Variants in NR1D2 observed in about 807,000 individuals in gnomAD.
NR1D2 encodes nuclear receptor subfamily 1 group D member 2.
In NR1D2, 25 loss-of-function variants were observed where a neutral mutation model predicts 52.2. The observed-to-expected ratio is 0.48, with a 90% confidence interval of 0.35 to 0.67. The LOEUF (loss-of-function observed/expected upper bound fraction) is 0.67. Among genes scored for constraint, NR1D2 ranks in the 30% least tolerant of loss-of-function variants. The pLI is 0.01. For synonymous variants in NR1D2, 259 were observed against 230.1 expected, an observed-to-expected ratio of 1.13 and a Z score of -1.14; for missense variants, 681 against 707.2, an observed-to-expected ratio of 0.96 and a Z score of 0.42.
intron 3 of NR1D2, among the ~76,000 whole-genome samples, chr3:23,957,079 T>A (rs1283055068): frequency 1.3e-5 from 2 of 151,910 alleles, no homozygotes; most frequent in African/African-American, 4.8e-5. Context: ...GCCTCCTGGG[T>A]TCAAGTGATT....
intron 4 of NR1D2, among the ~76,000 whole-genome samples, chr3:23,961,099 AT>A (rs1049595724): frequency 1.3e-5 from 2 of 151,858 alleles, no homozygotes; most frequent in Admixed American, 6.6e-5. Flanking sequence ...TGATTGTGGA[AT>A]TTTTTTTAAG....
intron 6 of NR1D2, among the ~76,000 whole-genome samples, chr3:23,965,824 C>G (rs541751138): frequency 1.4e-4 from 22 of 152,284 alleles, no homozygotes; most frequent in Admixed American, 3.9e-4. Flanking sequence ...CCTAGCCTAG[C>G]ATTTACTGTA....
chr3:23,945,492 C>G lies in NR1D2; in HGVS notation c.-87C>G, dbSNP rs7644275. Reference sequence around the variant, plus strand: ...CCCCGCGACCACCGCTGCTTCCAGCCCGGGGCGGCGCGGCGCTGAGGCGGC... The same window carrying G: ...CCCCGCGACCACCGCTGCTTCCAGCGCGGGGCGGCGCGGCGCTGAGGCGGC... On this transcript the variant is annotated 5_prime_UTR_variant, in exon 1 of 8. Coordinates refer to ENST00000312521, the MANE Select transcript of NR1D2 (RefSeq NM_005126.5). The G allele has an allele frequency of 0.26, 220,528 of 847,994 alleles. 30,092 individuals are homozygous for G. Among genetic ancestry groups the G allele is most frequent in the African/African-American group, 0.41 (21,940 of 53,372 alleles). 52.5% of individuals were successfully genotyped at this position (847,994 alleles called of 1,614,324 possible). A position where few individuals can be genotyped will look rare whatever the true frequency, so the allele number is the denominator to read the frequency against.
chr3:23,961,922 A>G (rs1008333836), intron 4 of NR1D2, 55 bp from the exon 5 acceptor site: 14 of 1,489,226 alleles, frequency 9.4e-6, no homozygotes, highest in Admixed American at 4.4e-5. Flanking sequence ...TTATTCTTTT[A>G]TACAAAACAG....
At position 23,977,305 on chromosome 3, in the gene NR1D2, A is replaced by C. The variant is rs1706756222; in HGVS notation, c.1626A>C (p.Lys542Asn). The change falls in exon 8 of 8, where the codon AAA (lysine) becomes AAC (asparagine). Residue 542 changes from lysine to asparagine, a missense_variant. Coordinates refer to ENST00000312521, the MANE Select transcript of NR1D2 (RefSeq NM_005126.5). ...LIRALRTLIMKNHPNEASIFT... is the reference protein window; with the variant it reads ...LIRALRTLIMNNHPNEASIFT... ...GTGCACTAAGGACCTTAATAATGAA[A>C]AACCATCCAAATGAGGCCTCTATTT... is the stretch of plus-strand genomic sequence containing the variant. 2.5e-6 allele frequency: 4 copies of C among 1,613,606 alleles called. 1 individual carries two copies. The highest frequency in any genetic ancestry group is 2.2e-5 in the South Asian group (2 of 91,038).
intron 1 of NR1D2, among the ~76,000 whole-genome samples, chr3:23,948,899 C>A (rs1705850735): frequency 6.6e-6 from 1 of 152,164 alleles, no homozygotes; most frequent in Admixed American, 6.5e-5. Flanking sequence ...ACTCAATTTG[C>A]AGTGATATAT....
rs1270099529 is a variant in NR1D2, at chr3:23,962,489, A to T, written c.1030A>T (p.Met344Leu). 1.9e-6 allele frequency: 3 copies of T among 1,614,204 alleles called. No homozygotes were observed. Among genetic ancestry groups the T allele is most frequent in the Non-Finnish European group, 1.7e-6 (2 of 1,180,030 alleles). Residue 344 changes from methionine to leucine, a missense_variant, in exon 5 of 8, where the codon ATG becomes TTG. By Grantham distance (15) the Met-to-Leu change is conservative. Transcript: ENST00000312521. ...CATTTGTATTGCAAATGGACATTGT[A>T]TGAACTTCTCCAATGCTTATACTCA... ...HAICIANGHCMNFSNAYTQRV... is the reference protein window; with the variant it reads ...HAICIANGHCLNFSNAYTQRV...
chr3:23,966,451 A>G (rs1199933951), intron 6 of NR1D2, among the ~76,000 whole-genome samples: 1 of 152,154 alleles, frequency 6.6e-6, no homozygotes, highest in Non-Finnish European at 1.5e-5. Context: ...CCTTGGCTGC[A>G]TTTGATGTGT....
intron 1 of NR1D2, chr3:23,946,053 G>A: frequency 5.2e-6 from 5 of 970,418 alleles, no homozygotes; most frequent in Non-Finnish European, 6.1e-6. Flanking sequence ...GCGCTGGCTG[G>A]GAGCGCCGCA....
intron 7 of NR1D2, among the ~76,000 whole-genome samples, chr3:23,976,779 A>G (rs1422185034): frequency 1.3e-5 from 2 of 152,206 alleles, no homozygotes; most frequent in Middle Eastern, 3.2e-3. Context: ...AAGGGTGCGA[A>G]TACCAGGATG....
intron 7 of NR1D2, among the ~76,000 whole-genome samples, chr3:23,976,739 C>G (rs1015412065): frequency 1.3e-5 from 2 of 152,108 alleles, no homozygotes; most frequent in Non-Finnish European, 2.9e-5. Context: ...GTTAGTAAGT[C>G]TAGGTCCACT....
At chr3:23,971,080 C>T (rs1184309527) in intron 7 of NR1D2, among the ~76,000 whole-genome samples, 1 of 152,022 alleles carries the variant, frequency 6.6e-6, no homozygotes, top group African/African-American at 2.4e-5. Flanking sequence ...CGTGCCCGGC[C>T]AAACAGCAGC....
chr3:23,946,030 GGCGCGC>G (rs561849691), intron 1 of NR1D2: 3 of 845,252 alleles, frequency 3.5e-6, no homozygotes, highest in East Asian at 1.2e-4. Flanking sequence ...TGGGGGCGGG[GGCGCGC>G]GCGCGCGCGC....
chr3:23,969,142 C>T (rs972091405), intron 7 of NR1D2, among the ~76,000 whole-genome samples: 4 of 151,936 alleles, frequency 2.6e-5, no homozygotes, highest in African/African-American at 4.8e-5. Context: ...AAAAATTAGC[C>T]GGGCATGGTG....
At chr3:23,969,374 A>G (rs1706530692) in intron 7 of NR1D2, among the ~76,000 whole-genome samples, 1 of 152,166 alleles carries the variant, frequency 6.6e-6, no homozygotes, top group African/African-American at 2.4e-5. Flanking sequence ...AAGACTTGCC[A>G]TTTGGTAACA....
At chr3:23,945,650 CG>C in intron 1 of NR1D2, 56 bp downstream of exon 1, 1 of 477,974 alleles carries the variant, frequency 2.1e-6, no homozygotes. Context: ...TCAGAGCCCG[CG>C]GGGCACTTTG....
intron 7 of NR1D2, among the ~76,000 whole-genome samples, chr3:23,972,146 A>C (rs79400161): frequency 2.0e-5 from 3 of 152,162 alleles, no homozygotes. Flanking sequence ...GTCAGAAGAA[A>C]TGGTAGTTAA....
intron 1 of NR1D2, chr3:23,946,085 C>G: frequency 4.1e-6 from 4 of 984,694 alleles, no homozygotes; most frequent in Non-Finnish European, 4.8e-6. Context: ...GGCTCCGCCC[C>G]TTTGGAAGCC....
chr3:23,974,811 A>G (rs1001679594), intron 7 of NR1D2, among the ~76,000 whole-genome samples: 5 of 151,112 alleles, frequency 3.3e-5, no homozygotes, highest in Middle Eastern at 3.4e-3. Flanking sequence ...CCACAAACCA[A>G]TATCCAATTT....
Sources: allele counts gnomAD v4.1 joint callset (sites outside exome capture counted in the v4.1 genomes callset), GRCh38; gene constraint gnomAD v4.1.1; transcripts MANE v1.5; gene names NCBI Gene and HGNC (gene_info 2026-07-23, HGNC 2026-07-21).